Variants in NRXN1 observed in about 807,000 individuals in gnomAD.
NRXN1 encodes the protein neurexin 1.
NRXN1 carries 39 observed loss-of-function variants against 150.9 expected under a neutral mutation model. That is an observed-to-expected ratio of 0.26 (90% CI 0.20 to 0.34). The LOEUF (loss-of-function observed/expected upper bound fraction) is 0.34. Ranked by LOEUF, NRXN1 falls within the 10% of genes least tolerant of loss-of-function variation. The probability of loss-of-function intolerance (pLI) is 1.00; values close to 1 mark genes in which losing one functional copy is unlikely to be tolerated. For missense variants in NRXN1, 1,815 were observed against 1,949.9 expected, an observed-to-expected ratio of 0.93 and a Z score of 1.30; for synonymous variants, 924 against 757.0, an observed-to-expected ratio of 1.22 and a Z score of -3.62.
At chr2:50,391,900 C>T (rs952591224) in intron 17 of NRXN1, among the ~76,000 whole-genome samples, 1 of 152,156 alleles carries the variant, frequency 6.6e-6, no homozygotes, top group Admixed American at 6.6e-5. Flanking sequence ...GGGACCACTT[C>T]ATTTAGTAAT....
In NRXN1 at chr2:50,955,587, C is replaced by T. The variant is rs536671095; in HGVS notation, c.773-29632G>A. Among the ~76,000 whole-genome samples the T allele has an allele frequency of 2.0e-5, 3 of 152,298 alleles. No individual in the cohort carries two copies. The South Asian group carries it at 6.2e-4, about 32-fold the overall frequency. On this transcript the variant is annotated intron_variant, in intron 2 of 22. Transcript: ENST00000401669. ...GATCATAAATAAGTATAACTGTCAA[C>T]AGCAGAACAGTGCCATTTTTATATA... is the stretch of plus-strand genomic sequence containing the variant.
intron 21 of NRXN1, among the ~76,000 whole-genome samples, chr2:50,037,012 G>A (rs1428130857): frequency 3.3e-5 from 5 of 152,142 alleles, no homozygotes; most frequent in Admixed American, 1.3e-4. Flanking sequence ...GCCATTTTAA[G>A]CAACTAAGTT....
At chr2:50,291,718 C>G (rs888045085) in intron 17 of NRXN1, among the ~76,000 whole-genome samples, 5 of 152,162 alleles carry the variant, frequency 3.3e-5, no homozygotes, top group Non-Finnish European at 7.3e-5. Flanking sequence ...TAAATCCAAA[C>G]TGACTTTTAT....
intron 5 of NRXN1, among the ~76,000 whole-genome samples, chr2:50,775,478 T>C (rs1024859294): frequency 1.3e-5 from 2 of 152,190 alleles, no homozygotes; most frequent in Admixed American, 6.6e-5. Context: ...ATAACTATTA[T>C]TGTTAGCAAG....
chr2:50,475,947 C>G (rs2089955092), intron 15 of NRXN1, among the ~76,000 whole-genome samples: 1 of 151,900 alleles, frequency 6.6e-6, no homozygotes. Flanking sequence ...GGAGGATATA[C>G]TTAATGGCTC....
Position 50,346,980 on chromosome 2 carries a change from C to A in NRXN1, c.3365-110010G>T. On this transcript the variant is annotated intron_variant, in intron 17 of 22. Transcript: ENST00000401669. The surrounding 1 kb of genome is among the most constrained non-coding windows in gnomAD (Gnocchi z 5.0). ...GGCGCCCGCCGAGGGGCAGCCGCCG[C>A]GGGAGGCAAAGTTTGGGGCGCGGGG... 7.3e-7 allele frequency: 1 copy of A among 1,361,744 alleles called. No individual in the cohort carries two copies. 84.4% of individuals were successfully genotyped at this position (1,361,744 alleles called of 1,614,324 possible).
At chr2:50,874,262 C>G (rs1364413998) in intron 5 of NRXN1, among the ~76,000 whole-genome samples, 1 of 151,796 alleles carries the variant, frequency 6.6e-6, no homozygotes, top group Non-Finnish European at 1.5e-5. Context: ...TTATTATTTC[C>G]CTAGCACCGT....
At chr2:50,167,407 C>G (rs190675394) in intron 18 of NRXN1, among the ~76,000 whole-genome samples, 9 of 152,066 alleles carry the variant, frequency 5.9e-5, no homozygotes, top group Non-Finnish European at 1.3e-4. Context: ...TGCCTCCCCC[C>G]CGCCTGTTAA....
intron 21 of NRXN1, among the ~76,000 whole-genome samples, chr2:50,030,794 T>C (rs1467445852): frequency 2.0e-5 from 3 of 152,150 alleles, no homozygotes; most frequent in Admixed American, 6.6e-5. Context: ...TAACTAGTTA[T>C]GGCATGTCTC....
Position 50,347,898 on chromosome 2 carries a change from T to C in NRXN1, c.3365-110928A>G. Reference sequence around the variant, plus strand: ...AGGCTGGTCTAGCTTCCCACGAAAATCGCCCTGCTTTGCCTCTCCCTTGCA... The same window carrying C: ...AGGCTGGTCTAGCTTCCCACGAAAACCGCCCTGCTTTGCCTCTCCCTTGCA... On this transcript the variant is annotated intron_variant, in intron 17 of 22. Coordinates refer to ENST00000401669, the MANE Select transcript of NRXN1 (RefSeq NM_001330078.2). This position sits in a 1 kb window ranked among gnomAD's most constrained non-coding sequence, Gnocchi z 4.9. 1.0e-6 allele frequency: 1 copy of C among 957,274 alleles called. No homozygotes were observed. The highest frequency in any genetic ancestry group is 1.8e-5 in the African/African-American group (1 of 56,572). 59.3% of individuals were successfully genotyped at this position (957,274 alleles called of 1,614,324 possible). A position where few individuals can be genotyped will look rare whatever the true frequency, so the allele number is the denominator to read the frequency against.
chr2:50,246,034 T>C (rs1317110568), intron 17 of NRXN1, among the ~76,000 whole-genome samples: 1 of 152,010 alleles, frequency 6.6e-6, no homozygotes, highest in East Asian at 1.9e-4. Context: ...GTTTTTCTAA[T>C]GATGCTTCCC....
chr2:50,336,832 C>T (rs182165863), intron 17 of NRXN1, among the ~76,000 whole-genome samples: 4 of 152,162 alleles, frequency 2.6e-5, no homozygotes, highest in Admixed American at 2.0e-4. Context: ...GGAAGCCTCT[C>T]GATGCCCTGT....
chr2:50,082,903 A>G (rs567591813), intron 19 of NRXN1, among the ~76,000 whole-genome samples: 2 of 152,304 alleles, frequency 1.3e-5, no homozygotes, highest in African/African-American at 4.8e-5. Context: ...GATACCCAAC[A>G]CGTATCTGAA....
At chr2:50,519,773 C>T (rs2092734482) in intron 12 of NRXN1, among the ~76,000 whole-genome samples, 2 of 151,874 alleles carry the variant, frequency 1.3e-5, no homozygotes, top group Admixed American at 6.6e-5. Flanking sequence ...CAGATGCTCC[C>T]AACCAGTTAT....
chr2:50,574,781 C>G (rs1671148865), intron 8 of NRXN1, among the ~76,000 whole-genome samples: 1 of 152,208 alleles, frequency 6.6e-6, no homozygotes, highest in Non-Finnish European at 1.5e-5. Context: ...TGACAGCCAA[C>G]AAGATTCCAG....
intron 19 of NRXN1, among the ~76,000 whole-genome samples, chr2:50,081,689 G>C (rs988766237): frequency 1.3e-5 from 2 of 152,050 alleles, no homozygotes; most frequent in Non-Finnish European, 2.9e-5. Flanking sequence ...AGCTGAGAAG[G>C]AACAAATCAC....
chr2:50,660,350 A>T (rs1250219364), intron 5 of NRXN1, among the ~76,000 whole-genome samples: 2 of 151,960 alleles, frequency 1.3e-5, no homozygotes, highest in African/African-American at 4.8e-5. Flanking sequence ...ACAACACCCT[A>T]AGTTGCCTGC....
chr2:50,218,663 T>C (rs568598532), intron 18 of NRXN1, among the ~76,000 whole-genome samples: 8 of 152,068 alleles, frequency 5.3e-5, no homozygotes, highest in African/African-American at 1.9e-4. Flanking sequence ...CCATAGCTTA[T>C]ATAACAGCAT....
Position 50,347,247 on chromosome 2 carries a change from C to G in NRXN1, c.3365-110277G>C, listed in dbSNP as rs1575171068. 1 of 1,323,036 alleles carries G rather than the reference C, an allele frequency of 7.6e-7. No homozygotes were observed. The highest frequency in any genetic ancestry group is 2.2e-5 in the Admixed American group (1 of 44,490). 82.0% of individuals were successfully genotyped at this position (1,323,036 alleles called of 1,614,324 possible). On this transcript the variant is annotated intron_variant, in intron 17 of 22. Coordinates refer to ENST00000401669, the MANE Select transcript of NRXN1 (RefSeq NM_001330078.2). This position sits in a 1 kb window ranked among gnomAD's most constrained non-coding sequence, Gnocchi z 4.9. ...GGAGCGGGTGGCTGCTCCCAGATTTCCAGGGCTCCAGGTTCTCGAGAGATA... is the reference window on the plus strand; with the variant it reads ...GGAGCGGGTGGCTGCTCCCAGATTTGCAGGGCTCCAGGTTCTCGAGAGATA...
Sources: allele counts gnomAD v4.1 joint callset (sites outside exome capture counted in the v4.1 genomes callset), GRCh38; gene constraint gnomAD v4.1.1; non-coding constraint Gnocchi (gnomAD v3.1); transcripts MANE v1.5; gene names NCBI Gene and HGNC (gene_info 2026-07-23, HGNC 2026-07-21).